ADCY2: variants seen among roughly 807,000 people sequenced by gnomAD.
The protein encoded by ADCY2 is adenylate cyclase type 2.
ADCY2 carries 31 observed loss-of-function variants against 125.2 expected under a neutral mutation model. The observed-to-expected ratio is 0.25, with a 90% CI of 0.19 to 0.33. ADCY2 has a LOEUF of 0.33. ADCY2 is among the 10% of genes least tolerant of loss of function. The pLI is 1.00. For synonymous variants in ADCY2, 512 were observed against 548.4 expected (o/e 0.93, Z 0.93); for missense variants, 904 against 1,418.2 (o/e 0.64, Z 5.82).
intron 1 of ADCY2, among the ~76,000 whole-genome samples, chr5:7,398,894 C>G (rs1739157446): frequency 6.6e-6 from 1 of 152,220 alleles, no homozygotes; most frequent in Non-Finnish European, 1.5e-5. Flanking sequence ...TCTCTGCTTT[C>G]CAAAACACGT....
intron 2 of ADCY2, among the ~76,000 whole-genome samples, chr5:7,500,306 G>A (rs977065342): frequency 4.6e-5 from 7 of 152,210 alleles, no homozygotes; most frequent in Non-Finnish European, 1.0e-4. Context: ...AATTCATGTA[G>A]ATACTCTGTT....
In ADCY2 at chr5:7,826,935, G is replaced by T; in HGVS notation, c.*64G>T. ...GGAAGGTATCACACACTTTCTGACT[G>T]CAACTTCTGTCCCTTGTTTTTGATG... On this transcript the variant is annotated 3_prime_UTR_variant, in exon 25 of 25. Transcript: ENST00000338316. 1 of 1,535,488 alleles carries T rather than the reference G, an allele frequency of 6.5e-7. No homozygotes were observed. Among genetic ancestry groups the T allele is most frequent in the Non-Finnish European group, 8.8e-7 (1 of 1,139,258 alleles).
At chr5:7,679,256 A>G (rs375310388) in intron 4 of ADCY2, among the ~76,000 whole-genome samples, 13 of 152,178 alleles carry the variant, frequency 8.5e-5, no homozygotes, top group African/African-American at 2.9e-4. Flanking sequence ...TGATGGAACC[A>G]GCCATCCAGG....
intron 3 of ADCY2, among the ~76,000 whole-genome samples, chr5:7,526,106 G>T (rs940342958): frequency 6.6e-6 from 1 of 152,160 alleles, no homozygotes; most frequent in South Asian, 2.1e-4. Flanking sequence ...GGGCTGCCCC[G>T]TGCCTAGGTG....
Position 7,493,862 on chromosome 5 carries a change from G to A in ADCY2, c.409-26876G>A, listed in dbSNP as rs76459164. ...CTGGCCTAGGGGAAGGCAGGTTGAG[G>A]CAGAAAGGAAACTGAGTCAAATAAG... On this transcript the variant is annotated intron_variant, in intron 2 of 24. Coordinates refer to ENST00000338316, the MANE Select transcript of ADCY2 (RefSeq NM_020546.3). 5.3e-3 allele frequency among the ~76,000 whole-genome samples: 814 copies of A among 152,246 alleles called. 5 individuals are homozygous for A. The highest frequency in any genetic ancestry group is 0.019 in the African/African-American group (782 of 41,554).
chr5:7,595,134 C>A (rs1017545963), intron 3 of ADCY2, among the ~76,000 whole-genome samples: 2 of 152,154 alleles, frequency 1.3e-5, no homozygotes, highest in Non-Finnish European at 1.5e-5. Context: ...CTTATAATGA[C>A]CACGTTGCAA....
chr5:7,725,694 C>T (rs1271265270), intron 13 of ADCY2, among the ~76,000 whole-genome samples: 1 of 152,110 alleles, frequency 6.6e-6, no homozygotes, highest in African/African-American at 2.4e-5. Flanking sequence ...AAAGAAATTC[C>T]TACTCATATC....
At chr5:7,635,943 A>G (rs528833729) in intron 4 of ADCY2, among the ~76,000 whole-genome samples, 1 of 152,214 alleles carries the variant, frequency 6.6e-6, no homozygotes, top group East Asian at 1.9e-4. Context: ...TGTGCCTTTC[A>G]TGGGATCCTT....
At position 7,626,208 on chromosome 5, in the gene ADCY2, G is replaced by A. The variant is rs138931785; in HGVS notation, c.612G>A (p.Ala204=). ...NVIIFICGNL[A]GAYHKHLMEL... is the part of the protein sequence containing the mutation. ...TCATTTTCATCTGTGGGAACCTGGC[G>A]GGAGCCTACCATAAGCACCTCATGG... Residue 204 remains alanine (A), a synonymous_variant, in exon 4 of 25, where the codon GCG becomes GCA. Transcript: ENST00000338316. 2.2e-5 allele frequency: 35 copies of A among 1,613,912 alleles called. No homozygotes were observed. The African/African-American group carries it at 2.9e-4, about 14-fold the overall frequency.
In ADCY2 at chr5:7,825,367, G is replaced by A. The variant is rs326170; in HGVS notation, c.3124-1352G>A. Among the ~76,000 whole-genome samples the A allele has an allele frequency of 2.3e-3, 350 of 151,748 alleles. 1 individual carries two copies. Among genetic ancestry groups the A allele is most frequent in the African/African-American group, 8.1e-3 (336 of 41,352 alleles). ...GCTGTAACAACACTTGTTGTGTGCC[G>A]TAACAACGCTGCTGGGTGCCATAGC... On this transcript the variant is annotated intron_variant, in intron 24 of 24. Coordinates refer to ENST00000338316, the MANE Select transcript of ADCY2 (RefSeq NM_020546.3).
intron 3 of ADCY2, among the ~76,000 whole-genome samples, chr5:7,583,445 A>C (rs1188152542): frequency 6.6e-6 from 1 of 152,058 alleles, no homozygotes; most frequent in Non-Finnish European, 1.5e-5. Flanking sequence ...GCTATTCAGG[A>C]TACAGTGGTC....
chr5:7,528,088 C>G (rs1734533224), intron 3 of ADCY2, among the ~76,000 whole-genome samples: 1 of 152,136 alleles, frequency 6.6e-6, no homozygotes, highest in South Asian at 2.1e-4. Context: ...TTTCGCAAGC[C>G]ATTGCTTACC....
chr5:7,560,024 A>T (rs1391954472), intron 3 of ADCY2, among the ~76,000 whole-genome samples: 2 of 152,214 alleles, frequency 1.3e-5, no homozygotes, highest in African/African-American at 4.8e-5. Context: ...GTGAATAATC[A>T]GTTGTGGTTT....
At chr5:7,698,638 T>C (rs929804104) in intron 7 of ADCY2, among the ~76,000 whole-genome samples, 2 of 152,168 alleles carry the variant, frequency 1.3e-5, no homozygotes, top group African/African-American at 4.8e-5. Context: ...ACATGCGGTA[T>C]TTGGTTTTCT....
chr5:7,730,308 A>G (rs1030367180), intron 14 of ADCY2, among the ~76,000 whole-genome samples: 2 of 152,194 alleles, frequency 1.3e-5, no homozygotes, highest in Non-Finnish European at 2.9e-5. Context: ...CATTGGTTCC[A>G]TATCTTGGCA....
chr5:7,724,606 G>GA lies in ADCY2; in HGVS notation c.1770dup (p.Glu591ArgfsTer113). On this transcript the variant is annotated frameshift_variant, in exon 13 of 25. Coordinates refer to ENST00000338316, the MANE Select transcript of ADCY2 (RefSeq NM_020546.3). LOFTEE classifies it high-confidence loss of function. ...ACTGCTTTTCTATAACAAAGTACTAGAAAAAGAGGTAAGTTTTTTTCTTCT... is the reference window on the plus strand; with the variant it reads ...ACTGCTTTTCTATAACAAAGTACTAGAAAAAAGAGGTAAGTTTTTTTCTTCT... 1 of 1,576,724 alleles carries GA rather than the reference G, an allele frequency of 6.3e-7. No homozygotes were observed. Among genetic ancestry groups the GA allele is most frequent in the Non-Finnish European group, 8.6e-7 (1 of 1,167,616 alleles).
chr5:7,729,207 T>TA (rs988787968), intron 14 of ADCY2, among the ~76,000 whole-genome samples: 7 of 152,028 alleles, frequency 4.6e-5, no homozygotes, highest in African/African-American at 7.2e-5. Context: ...TCTTTTTCTT[T>TA]AAAAAAAATC....
intron 3 of ADCY2, among the ~76,000 whole-genome samples, chr5:7,539,560 A>C (rs1357870254): frequency 6.6e-6 from 1 of 152,212 alleles, no homozygotes; most frequent in Non-Finnish European, 1.5e-5. Context: ...CCTTAAAGTA[A>C]TATTGGGTCT....
chr5:7,698,597 C>G (rs768037051), intron 7 of ADCY2, among the ~76,000 whole-genome samples: 8 of 152,234 alleles, frequency 5.3e-5, no homozygotes, highest in Non-Finnish European at 1.2e-4. Flanking sequence ...TCCATGTGTT[C>G]TCATTGTTCA....
Sources: allele counts gnomAD v4.1 joint callset (sites outside exome capture counted in the v4.1 genomes callset), GRCh38; gene constraint gnomAD v4.1.1; transcripts MANE v1.5; gene names NCBI Gene and HGNC (gene_info 2026-07-23, HGNC 2026-07-21).